TENM2: variants seen among roughly 807,000 people sequenced by gnomAD.
TENM2 encodes the protein teneurin transmembrane protein 2.
In TENM2, 52 loss-of-function variants were observed where a neutral mutation model predicts 245.2. The ratio of observed to expected loss-of-function variants is 0.21; its 90% CI spans 0.17 to 0.27. The LOEUF is 0.27. Among genes scored for constraint, TENM2 ranks in the 10% least tolerant of loss-of-function variants. The probability of loss-of-function intolerance (pLI) is 1.00; values close to 1 mark genes in which losing one functional copy is unlikely to be tolerated. For missense variants in TENM2, 3,046 were observed against 3,666.8 expected (o/e 0.83, Z 4.37); for synonymous variants, 1,363 against 1,438.9 (o/e 0.95, Z 1.19).
chr5:167,776,501 G>A (rs967098039), intron 2 of TENM2, among the ~76,000 whole-genome samples: 1 of 146,476 alleles, frequency 6.8e-6, no homozygotes, highest in Admixed American at 7.0e-5. Flanking sequence ...GGTCTGAAGT[G>A]GGAAGATTGC....
chr5:167,981,979 CAAAAAAAAAAAAAAAAGA>C (rs1013950172), intron 4 of TENM2, among the ~76,000 whole-genome samples: 3 of 100,776 alleles, frequency 3.0e-5, no homozygotes, highest in Non-Finnish European at 6.3e-5. Flanking sequence ...TGTTTCAGAC[CAAAAAAAAAAAAAAAAGA>C]AAAAAGAAAA....
intron 15 of TENM2, 113 bp downstream of exon 17, chr5:168,195,408 A>G: frequency 8.0e-7 from 1 of 1,256,788 alleles, no homozygotes; most frequent in Non-Finnish European, 1.1e-6. Context: ...TGGAATGTCC[A>G]CCAGGCCTGT....
chr5:167,032,525 G>C, the TENM2 span, among the ~76,000 whole-genome samples: 1 of 152,158 alleles, frequency 6.6e-6, no homozygotes, highest in Non-Finnish European at 1.5e-5. Flanking sequence ...AAGTCAGCTC[G>C]GAAGGTCACT....
chr5:167,215,724 C>A, the TENM2 span, among the ~76,000 whole-genome samples: 1 of 152,190 alleles, frequency 6.6e-6, no homozygotes, highest in Non-Finnish European at 1.5e-5. Flanking sequence ...TAAGATCATG[C>A]AACCTGTGGT....
At chr5:167,096,566 A>G in the TENM2 span, among the ~76,000 whole-genome samples, 1 of 152,132 alleles carries the variant, frequency 6.6e-6, no homozygotes, top group Non-Finnish European at 1.5e-5. Flanking sequence ...TGCCTGGCCA[A>G]ACTCTAAACA....
At chr5:167,069,681 T>C in the TENM2 span, among the ~76,000 whole-genome samples, 2 of 152,198 alleles carry the variant, frequency 1.3e-5, no homozygotes, top group African/African-American at 4.8e-5. Flanking sequence ...TCTAGAAGGA[T>C]GCTCGCCAAA....
the TENM2 span, among the ~76,000 whole-genome samples, chr5:167,148,576 G>A: frequency 3.3e-5 from 5 of 152,098 alleles, no homozygotes. Context: ...GTAGTTTTTA[G>A]TTAAGAGAAA....
At chr5:167,929,113 GA>G (rs1437393748) in intron 3 of TENM2, among the ~76,000 whole-genome samples, 2 of 71,944 alleles carry the variant, frequency 2.8e-5, no homozygotes, top group Non-Finnish European at 5.3e-5. Flanking sequence ...AAGAAAGAAA[GA>G]AAGAAAGAAA....
At chr5:167,596,208 G>A (rs547488669) in intron 2 of TENM2, among the ~76,000 whole-genome samples, 120 of 152,250 alleles carry the variant, frequency 7.9e-4, no homozygotes, top group African/African-American at 2.7e-3. Flanking sequence ...GTCATTATCT[G>A]AAGTAAACAT....
At chr5:167,948,165 TG>T (rs2151816146) in intron 3 of TENM2, among the ~76,000 whole-genome samples, 1 of 152,366 alleles carries the variant, frequency 6.6e-6, no homozygotes, top group East Asian at 1.9e-4. Flanking sequence ...GCAACTCTAA[TG>T]GAGTCAACAC....
At chr5:168,054,457 C>T (rs769483163) in intron 6 of TENM2, among the ~76,000 whole-genome samples, 23 of 152,216 alleles carry the variant, frequency 1.5e-4, no homozygotes, top group Non-Finnish European at 2.4e-4. Flanking sequence ...TAGCAATATT[C>T]TGAATTCAAT....
chr5:167,553,087 GAC>G (rs747878851), intron 2 of TENM2, among the ~76,000 whole-genome samples: 2 of 152,242 alleles, frequency 1.3e-5, no homozygotes, highest in Admixed American at 6.5e-5. Context: ...GGTTCTAGAG[GAC>G]ACACAGCAAA....
At chr5:167,991,067 T>A (rs1783630078) in intron 4 of TENM2, among the ~76,000 whole-genome samples, 1 of 152,132 alleles carries the variant, frequency 6.6e-6, no homozygotes, top group South Asian at 2.1e-4. Flanking sequence ...CCAGCGTCAG[T>A]TTTCTCATCT....
At chr5:167,946,462 C>T (rs1779631534) in intron 3 of TENM2, among the ~76,000 whole-genome samples, 1 of 152,188 alleles carries the variant, frequency 6.6e-6, no homozygotes, top group Admixed American at 6.5e-5. Context: ...GCCTATTTCT[C>T]CTGATTCAAG....
chr5:167,896,610 C>G (rs1775246538), intron 3 of TENM2, among the ~76,000 whole-genome samples: 1 of 152,080 alleles, frequency 6.6e-6, no homozygotes, highest in Non-Finnish European at 1.5e-5. Context: ...AATCTAAAAT[C>G]CAATACAAAG....
At chr5:168,031,314 C>A (rs1424711733) in intron 5 of TENM2, among the ~76,000 whole-genome samples, 1 of 152,192 alleles carries the variant, frequency 6.6e-6, no homozygotes, top group Non-Finnish European at 1.5e-5. Context: ...TCCTATATTT[C>A]ATAATTTCTA....
the TENM2 span, among the ~76,000 whole-genome samples, chr5:167,072,186 A>T: frequency 2.6e-5 from 4 of 152,182 alleles, no homozygotes; most frequent in African/African-American, 9.6e-5. Context: ...TTGTGTTGAC[A>T]TGTGGAGGAA....
chr5:167,350,628 T>TATATATATGGGATACATATATGG (rs1561883396), intron 1 of TENM2, among the ~76,000 whole-genome samples: 6,468 of 60,382 alleles, frequency 0.11, 741 homozygotes, highest in Admixed American at 0.33. Context: ...CATATGTGGA[T>TATATATATGGGATACATATATGG]ATATATATAT....
chr5:168,134,267 G>C (rs1326535138), intron 12 of TENM2, among the ~76,000 whole-genome samples: 1 of 152,118 alleles, frequency 6.6e-6, no homozygotes, highest in Non-Finnish European at 1.5e-5. Context: ...CTGTAAAATG[G>C]GGGATACCAA....
Sources: gnomAD v4.1 joint callset for allele counts (sites outside exome capture counted in the v4.1 genomes callset) on GRCh38, gnomAD v4.1.1 for gene constraint, MANE v1.5 for transcripts, NCBI Gene and HGNC (gene_info 2026-07-23, HGNC 2026-07-21) for gene names.